Variants in IL1RAPL2 observed in about 807,000 individuals in gnomAD.
The protein encoded by IL1RAPL2 is X-linked interleukin-1 receptor accessory protein-like 2.
IL1RAPL2 carries 3 observed loss-of-function variants against 44.1 expected under a neutral mutation model. The observed-to-expected ratio is 0.07, with a 90% CI of 0.03 to 0.18. The LOEUF (loss-of-function observed/expected upper bound fraction) is 0.18, where lower values mean the gene tolerates loss of function less well. Among genes scored for constraint, IL1RAPL2 ranks in the 10% least tolerant of loss-of-function variants. The pLI is 1.00. For synonymous variants in IL1RAPL2, 181 were observed against 178.8 expected, an observed-to-expected ratio of 1.01 and a Z score of -0.10; for missense variants, 391 against 496.4, an observed-to-expected ratio of 0.79 and a Z score of 2.02.
chrX:105,650,813 G>A (rs937197778), intron 6 of IL1RAPL2, among the ~76,000 whole-genome samples: 10 of 111,840 alleles, frequency 8.9e-5, no homozygotes, highest in Non-Finnish European at 9.4e-5. Context: ...CTGTGTCAGT[G>A]ACACTTTGAG....
At chrX:104,626,415 T>C (rs1929508720) in intron 1 of IL1RAPL2, among the ~76,000 whole-genome samples, 2 of 110,119 alleles carry the variant, frequency 1.8e-5, no homozygotes, top group Admixed American at 2.0e-4. Flanking sequence ...TTGTTTTTTA[T>C]TTTACCAATG....
chrX:105,418,550 T>C (rs1344070796), intron 5 of IL1RAPL2, among the ~76,000 whole-genome samples: 3 of 112,082 alleles, frequency 2.7e-5, no homozygotes, highest in Non-Finnish European at 5.6e-5. Context: ...TAATATCATG[T>C]ATAACTAATT....
At chrX:105,102,632 AAC>A (rs1210047903) in intron 2 of IL1RAPL2, among the ~76,000 whole-genome samples, 1 of 111,839 alleles carries the variant, frequency 8.9e-6, no homozygotes, top group East Asian at 2.8e-4. Context: ...TTGAAACATA[AAC>A]ACATGTATGT....
intron 2 of IL1RAPL2, among the ~76,000 whole-genome samples, chrX:104,705,184 T>C (rs2147554364): frequency 8.9e-6 from 1 of 111,785 alleles, no homozygotes; most frequent in African/African-American, 3.2e-5. Flanking sequence ...TTGATACAGG[T>C]ACCATTTGTT....
intron 6 of IL1RAPL2, among the ~76,000 whole-genome samples, chrX:105,592,397 T>A (rs2037178934): frequency 8.9e-6 from 1 of 111,842 alleles, no homozygotes. Flanking sequence ...ACTCTGTGCC[T>A]TTTGTTGTGG....
intron 2 of IL1RAPL2, among the ~76,000 whole-genome samples, chrX:105,075,065 C>T (rs768135951): frequency 2.3e-3 from 257 of 111,360 alleles, no homozygotes; most frequent in African/African-American, 8.0e-3. Context: ...CTGGCCAGAC[C>T]TTCCAACACT....
chrX:105,145,896 A>G (rs932135154), intron 2 of IL1RAPL2, among the ~76,000 whole-genome samples: 6 of 111,388 alleles, frequency 5.4e-5, no homozygotes, highest in Non-Finnish European at 1.1e-4. Context: ...CCCCAATGTG[A>G]TAGTATTAAA....
intron 3 of IL1RAPL2, among the ~76,000 whole-genome samples, chrX:105,206,842 G>A (rs1461411158): frequency 8.9e-6 from 1 of 111,822 alleles, no homozygotes; most frequent in African/African-American, 3.2e-5. Flanking sequence ...GATGAATTTT[G>A]AAGCATATAT....
At chrX:105,406,774 G>A in intron 5 of IL1RAPL2, 2 of 1,186,790 alleles carry the variant, frequency 1.7e-6, no homozygotes, top group Non-Finnish European at 1.1e-6. Flanking sequence ...GGATCCTTCT[G>A]GTCTTAAAGC....
intron 2 of IL1RAPL2, among the ~76,000 whole-genome samples, chrX:105,122,855 G>A (rs978024431): frequency 9.0e-5 from 10 of 110,938 alleles, no homozygotes; most frequent in African/African-American, 3.3e-4. Flanking sequence ...ACAGTGTGGG[G>A]GTTGTGGGAA....
intron 6 of IL1RAPL2, among the ~76,000 whole-genome samples, chrX:105,631,938 T>G (rs971626567): frequency 9.0e-5 from 10 of 111,277 alleles, no homozygotes; most frequent in African/African-American, 3.3e-4. Flanking sequence ...CAGTCTTCCC[T>G]CTTCCTCATT....
chrX:105,692,635 A>G (rs2038044219), intron 6 of IL1RAPL2, among the ~76,000 whole-genome samples: 1 of 105,593 alleles, frequency 9.5e-6, no homozygotes, highest in African/African-American at 3.6e-5. Context: ...TAAATGATGC[A>G]GGGGCACACA....
intron 6 of IL1RAPL2, among the ~76,000 whole-genome samples, chrX:105,661,045 C>A (rs2037716427): frequency 9.0e-6 from 1 of 110,669 alleles, no homozygotes; most frequent in Non-Finnish European, 1.9e-5. Context: ...AAGAAACACA[C>A]TTTAGCTATA....
intron 2 of IL1RAPL2, among the ~76,000 whole-genome samples, chrX:105,069,153 C>T (rs1298429587): frequency 1.8e-5 from 2 of 112,333 alleles, no homozygotes; most frequent in African/African-American, 6.5e-5. Context: ...ACAGCCATAC[C>T]ATCTGGAAAC....
chrX:105,089,060 A>C (rs1340176102), intron 2 of IL1RAPL2, among the ~76,000 whole-genome samples: 2 of 111,647 alleles, frequency 1.8e-5, no homozygotes, highest in Non-Finnish European at 3.8e-5. Flanking sequence ...ATTACATACC[A>C]TTCACTCTAC....
At chrX:105,711,280 C>T (rs970896185) in intron 6 of IL1RAPL2, among the ~76,000 whole-genome samples, 1 of 110,693 alleles carries the variant, frequency 9.0e-6, no homozygotes, top group Non-Finnish European at 1.9e-5. Context: ...TAAGAGATGG[C>T]ACCAACATCT....
intron 4 of IL1RAPL2, among the ~76,000 whole-genome samples, chrX:105,241,730 G>A (rs1556208514): frequency 9.0e-6 from 1 of 111,391 alleles, no homozygotes; most frequent in Non-Finnish European, 1.9e-5. Context: ...TTTAAATTTA[G>A]CCAATATGTT....
intron 5 of IL1RAPL2, among the ~76,000 whole-genome samples, chrX:105,462,076 G>A (rs2036097038): frequency 9.0e-6 from 1 of 110,907 alleles, no homozygotes; most frequent in Non-Finnish European, 1.9e-5. Flanking sequence ...CTGCCACCAT[G>A]CAAAACTTTC....
chrX:105,534,267 T>C (rs1372861416), intron 6 of IL1RAPL2, among the ~76,000 whole-genome samples: 7 of 111,647 alleles, frequency 6.3e-5, no homozygotes, highest in Non-Finnish European at 1.3e-4. Flanking sequence ...ATTTAAAAAT[T>C]TATATTTCTA....
Sources: gnomAD v4.1 joint callset for allele counts (sites outside exome capture counted in the v4.1 genomes callset) on GRCh38, gnomAD v4.1.1 for gene constraint, MANE v1.5 for transcripts, NCBI Gene and HGNC (gene_info 2026-07-23, HGNC 2026-07-21) for gene names.